CAPN13: variants seen among roughly 807,000 people sequenced by gnomAD.
The protein encoded by CAPN13 is calpain-13.
A neutral mutation model predicts 98.4 loss-of-function variants in CAPN13; 90 were observed. The ratio of observed to expected loss-of-function variants is 0.92; its 90% CI spans 0.77 to 1.09. CAPN13 has a LOEUF of 1.09. Among genes scored for constraint, CAPN13 ranks in the 50% least tolerant of loss-of-function variants. CAPN13 has a pLI of 0.00. For synonymous variants in CAPN13, 330 were observed against 305.5 expected (o/e 1.08, Z -0.84); for missense variants, 887 against 841.3 (o/e 1.05, Z -0.67).
At chr2:30,767,315 A>T (rs1287666974) in intron 5 of CAPN13, among the ~76,000 whole-genome samples, 1 of 152,150 alleles carries the variant, frequency 6.6e-6, no homozygotes, top group East Asian at 1.9e-4. Flanking sequence ...GGGACCTTTT[A>T]AACAGCTTTA....
At position 30,801,439 on chromosome 2, in the gene CAPN13, C is replaced by A. The variant is rs529373739; in HGVS notation, c.-33+5863G>T. Among the ~76,000 whole-genome samples, 12 of 151,146 alleles carry A rather than the reference C, an allele frequency of 7.9e-5. No homozygotes were observed. In the East Asian group the frequency reaches 2.1e-3, roughly 27 times the overall value. ...GACCAGCCTGCCCAACATGGTGAAACCCTAACAATACAAAAACTAGCTGGG... is the reference window on the plus strand; with the variant it reads ...GACCAGCCTGCCCAACATGGTGAAAACCTAACAATACAAAAACTAGCTGGG... On this transcript the variant is annotated intron_variant, in intron 1 of 22. Coordinates refer to ENST00000295055, the MANE Select transcript of CAPN13 (RefSeq NM_144575.3).
intron 7 of CAPN13, among the ~76,000 whole-genome samples, chr2:30,761,470 T>A (rs1411783135): frequency 6.6e-6 from 1 of 152,172 alleles, no homozygotes; most frequent in Non-Finnish European, 1.5e-5. Flanking sequence ...AACCCAGCAG[T>A]CACTGCCATC....
At chr2:30,749,096 A>G (rs1672053777) in intron 11 of CAPN13, among the ~76,000 whole-genome samples, 1 of 152,160 alleles carries the variant, frequency 6.6e-6, no homozygotes, top group African/African-American at 2.4e-5. Context: ...CCACACCTAC[A>G]AAAGCGGGGC....
intron 2 of CAPN13, among the ~76,000 whole-genome samples, chr2:30,784,541 A>G (rs1021131081): frequency 6.6e-6 from 1 of 152,232 alleles, no homozygotes; most frequent in Non-Finnish European, 1.5e-5. Context: ...ACATAGATCA[A>G]CTTTAGAGAG....
chr2:30,791,330 C>A (rs1208398548), intron 1 of CAPN13, among the ~76,000 whole-genome samples: 1 of 152,164 alleles, frequency 6.6e-6, no homozygotes, highest in Non-Finnish European at 1.5e-5. Flanking sequence ...TATGTCTTAG[C>A]AGTATCTTGA....
chr2:30,742,169 T>TC (rs1671694457), intron 14 of CAPN13, among the ~76,000 whole-genome samples, 157 bp downstream of exon 14: 1 of 152,126 alleles, frequency 6.6e-6, no homozygotes, highest in South Asian at 2.1e-4. Context: ...CCTGGTCTTC[T>TC]CCCCCTACCC....
In CAPN13 at chr2:30,763,108, C is replaced by T. The variant is rs1398602406; in HGVS notation, c.748G>A (p.Ala250Thr). 1.2e-6 allele frequency: 2 copies of T among 1,611,168 alleles called. No individual in the cohort carries two copies. Among genetic ancestry groups the T allele is most frequent in the Non-Finnish European group, 1.7e-6 (2 of 1,178,864 alleles). ...AMENGLVSLH[A>T]YTVTGAEQIQ... is the part of the protein sequence containing the mutation. ...TGCTCAGCCCCAGTCACAGTGTAGG[C>T]ATGGAGACTCACCAGCCCATTCTCC... is the stretch of plus-strand genomic sequence containing the variant. Residue 250 changes from alanine (A) to threonine (T), a missense_variant, in exon 7 of 23, where the codon GCC (alanine) becomes ACC (threonine). Transcript: ENST00000295055.
intron 2 of CAPN13, among the ~76,000 whole-genome samples, chr2:30,781,925 A>T (rs140988355): frequency 1.2e-4 from 19 of 152,306 alleles, no homozygotes; most frequent in African/African-American, 4.3e-4. Flanking sequence ...TATATTAATG[A>T]TTCTTTTTCT....
intron 8 of CAPN13, among the ~76,000 whole-genome samples, chr2:30,756,414 C>T (rs1048807897): frequency 4.6e-5 from 7 of 152,212 alleles, no homozygotes; most frequent in African/African-American, 1.7e-4. Context: ...ATGAAGCTTT[C>T]CCTGAACATG....
chr2:30,746,220 T>C (rs1671904216), intron 11 of CAPN13, among the ~76,000 whole-genome samples: 2 of 152,210 alleles, frequency 1.3e-5, no homozygotes, highest in African/African-American at 4.8e-5. Flanking sequence ...TTTTAAACAC[T>C]GACATATCAC....
At chr2:30,783,300 A>G (rs1044827726) in intron 2 of CAPN13, among the ~76,000 whole-genome samples, 1 of 152,176 alleles carries the variant, frequency 6.6e-6, no homozygotes, top group Non-Finnish European at 1.5e-5. Context: ...CCAGGGTTGT[A>G]GGAAGCATTG....
At chr2:30,782,482 T>C (rs1674035680) in intron 2 of CAPN13, among the ~76,000 whole-genome samples, 1 of 152,218 alleles carries the variant, frequency 6.6e-6, no homozygotes, top group Admixed American at 6.5e-5. Context: ...TTATGGAACA[T>C]TTTCATAACC....
intron 12 of CAPN13, among the ~76,000 whole-genome samples, chr2:30,744,427 C>G (rs1422954044): frequency 6.6e-6 from 1 of 152,164 alleles, no homozygotes; most frequent in Admixed American, 6.5e-5. Flanking sequence ...GGTTTGGGAG[C>G]CTGACTTGCT....
At chr2:30,774,174 T>C (rs1673558844) in intron 4 of CAPN13, among the ~76,000 whole-genome samples, 1 of 152,032 alleles carries the variant, frequency 6.6e-6, no homozygotes, top group African/African-American at 2.4e-5. Context: ...TATCAAAACC[T>C]ATGGATACAC....
At chr2:30,778,377 T>TC (rs1369439126) in intron 2 of CAPN13, among the ~76,000 whole-genome samples, 1 of 152,146 alleles carries the variant, frequency 6.6e-6, no homozygotes, top group Non-Finnish European at 1.5e-5. Flanking sequence ...CTAAAGGGGA[T>TC]CCCCAGGCAC....
At chr2:30,769,542 T>C (rs1009393665) in intron 5 of CAPN13, among the ~76,000 whole-genome samples, 3 of 152,174 alleles carry the variant, frequency 2.0e-5, no homozygotes, top group African/African-American at 7.2e-5. Flanking sequence ...CCATCCACAG[T>C]CCTGCACACA....
rs141517689 is a variant in CAPN13 at position 30,794,198 on chromosome 2, A to G, written c.-32-6841T>C. Among the ~76,000 whole-genome samples the G allele has an allele frequency of 1.5e-3, 229 of 151,930 alleles. 1 individual carries two copies. The highest frequency in any genetic ancestry group is 5.3e-3 in the African/African-American group (221 of 41,532). On this transcript the variant is annotated intron_variant, in intron 1 of 22. Coordinates refer to ENST00000295055, the MANE Select transcript of CAPN13 (RefSeq NM_144575.3). ...CCACAACATATAAAGAACTCTTACAAATCAATAATCAGAAAAAAAACCCAC... is the reference window on the plus strand; with the variant it reads ...CCACAACATATAAAGAACTCTTACAGATCAATAATCAGAAAAAAAACCCAC...
At chr2:30,776,318 G>T (rs1240354531) in intron 3 of CAPN13, among the ~76,000 whole-genome samples, 1 of 152,032 alleles carries the variant, frequency 6.6e-6, no homozygotes, top group Non-Finnish European at 1.5e-5. Flanking sequence ...TGCAACCTCC[G>T]CCTCCCGGGT....
chr2:30,762,357 A>C (rs1031064783), intron 7 of CAPN13, among the ~76,000 whole-genome samples: 1 of 152,202 alleles, frequency 6.6e-6, no homozygotes, highest in Non-Finnish European at 1.5e-5. Context: ...CTCCTCTTCC[A>C]TGAGAATAAA....
Sources: allele counts gnomAD v4.1 joint callset (sites outside exome capture counted in the v4.1 genomes callset), GRCh38; gene constraint gnomAD v4.1.1; transcripts MANE v1.5; gene names NCBI Gene and HGNC (gene_info 2026-07-23, HGNC 2026-07-21).